SNTG1: variants seen among roughly 807,000 people sequenced by gnomAD.
SNTG1 encodes syntrophin gamma 1.
Under a neutral mutation model 74.7 loss-of-function variants are expected in SNTG1, and 39 were observed. That is an observed-to-expected ratio of 0.52 (90% CI 0.40 to 0.68). The LOEUF (loss-of-function observed/expected upper bound fraction) is 0.68, where lower values mean the gene tolerates loss of function less well. Among genes scored for constraint, SNTG1 ranks in the 30% least tolerant of loss-of-function variants. The pLI is 0.00. For synonymous variants in SNTG1, 254 were observed against 217.1 expected (o/e 1.17, Z -1.49); for missense variants, 685 against 609.5 (o/e 1.12, Z -1.30).
chr8:50,767,431 C>T (rs976676674), intron 18 of SNTG1, among the ~76,000 whole-genome samples: 4 of 151,800 alleles, frequency 2.6e-5, no homozygotes, highest in Non-Finnish European at 5.9e-5. Context: ...TGTCATAATA[C>T]AAAAAACCTT....
chr8:50,717,121 T>C (rs1002075729), intron 17 of SNTG1, among the ~76,000 whole-genome samples: 5 of 152,196 alleles, frequency 3.3e-5, no homozygotes, highest in South Asian at 2.1e-4. Flanking sequence ...AATTCAAATA[T>C]AGAAAAAACA....
rs976441231 is a variant in SNTG1 at position 50,305,267 on chromosome 8, G to A, written c.-27-88945G>A. 5.3e-5 allele frequency among the ~76,000 whole-genome samples: 8 copies of A among 151,822 alleles called. No individual in the cohort carries two copies. The South Asian group carries it at 1.0e-3, about 20-fold the overall frequency. On this transcript the variant is annotated intron_variant, in intron 2 of 18. Coordinates refer to ENST00000642720, the MANE Select transcript of SNTG1 (RefSeq NM_018967.5). ...GCATTTTCTCTTGGCATAAACTATA[G>A]CAATGAAAAAAATCTAAGGACAGTC...
intron 2 of SNTG1, among the ~76,000 whole-genome samples, chr8:50,356,984 C>A (rs1160406476): frequency 6.6e-6 from 1 of 152,222 alleles, no homozygotes; most frequent in South Asian, 2.1e-4. Context: ...TTAGGGAATG[C>A]GTAACTGGAA....
At chr8:50,211,559 T>C (rs568229490) in intron 2 of SNTG1, among the ~76,000 whole-genome samples, 13 of 152,094 alleles carry the variant, frequency 8.5e-5, no homozygotes, top group Non-Finnish European at 1.9e-4. Flanking sequence ...TTAGGATCAG[T>C]ATAAGAATTC....
At chr8:50,450,641 C>T (rs1241418059) in intron 7 of SNTG1, 42 bp downstream of exon 7, 8 of 1,613,248 alleles carry the variant, frequency 5.0e-6, no homozygotes, top group South Asian at 3.3e-5. Flanking sequence ...AACATTAACT[C>T]AATTTACAAT....
At chr8:50,648,534 T>G (rs932856624) in intron 13 of SNTG1, among the ~76,000 whole-genome samples, 3 of 152,120 alleles carry the variant, frequency 2.0e-5, no homozygotes, top group Non-Finnish European at 4.4e-5. Flanking sequence ...AAATTTCATC[T>G]TATTACAATG....
chr8:49,994,253 CTTCT>C (rs1315337877), intron 1 of SNTG1, among the ~76,000 whole-genome samples: 4 of 122,318 alleles, frequency 3.3e-5, no homozygotes, highest in East Asian at 5.3e-4. Context: ...TATTTTTATT[CTTCT>C]TTTTTTTTTT....
chr8:50,461,867 T>C (rs1388654050), intron 8 of SNTG1, among the ~76,000 whole-genome samples: 2 of 152,116 alleles, frequency 1.3e-5, no homozygotes, highest in Admixed American at 6.6e-5. Context: ...TAGAGAATGG[T>C]ACTAGAAATC....
At chr8:50,225,764 A>G (rs949757121) in intron 2 of SNTG1, among the ~76,000 whole-genome samples, 2 of 152,238 alleles carry the variant, frequency 1.3e-5, no homozygotes, top group African/African-American at 4.8e-5. Flanking sequence ...TAAGTAACAC[A>G]TTAGACACTT....
intron 1 of SNTG1, among the ~76,000 whole-genome samples, chr8:49,947,475 C>A (rs930503753): frequency 6.6e-6 from 1 of 152,100 alleles, no homozygotes; most frequent in Admixed American, 6.5e-5. Flanking sequence ...AACCAGAGGG[C>A]TTTTACCCCA....
In SNTG1 at chr8:50,213,670, T is replaced by G. The variant is rs557543602; in HGVS notation, c.-28+41035T>G. 2.0e-5 allele frequency among the ~76,000 whole-genome samples: 3 copies of G among 152,046 alleles called. No homozygotes were observed. The South Asian group carries it at 6.2e-4, about 32-fold the overall frequency. Reference sequence around the variant, plus strand: ...ATTGTGGTTTTGATTTGCATTTCTCTGATGGCCAGTGATGGTGAGCATTTT... The same window carrying G: ...ATTGTGGTTTTGATTTGCATTTCTCGGATGGCCAGTGATGGTGAGCATTTT... On this transcript the variant is annotated intron_variant, in intron 2 of 18. Coordinates refer to ENST00000642720, the MANE Select transcript of SNTG1 (RefSeq NM_018967.5).
In SNTG1 at chr8:50,577,787, C is replaced by T. The variant is rs574831764; in HGVS notation, c.811-13092C>T. On this transcript the variant is annotated intron_variant, in intron 12 of 18. Transcript: ENST00000642720. ...GCTGTTCTTTTACTTATGTTAAAAT[C>T]ATTGACAAAGTAGAAAATGAGGTTT... Among the ~76,000 whole-genome samples the T allele has an allele frequency of 1.1e-4, 17 of 152,192 alleles. No homozygotes were observed. In the South Asian group the frequency reaches 3.5e-3, roughly 32 times the overall value.
Position 49,929,822 on chromosome 8 carries a change from C to T in SNTG1, c.-103+17591C>T, listed in dbSNP as rs956332269. Among the ~76,000 whole-genome samples, 19 of 150,274 alleles carry T rather than the reference C, an allele frequency of 1.3e-4. No individual in the cohort carries two copies. In the Middle Eastern group the frequency reaches 0.01, roughly 81 times the overall value. The stretch of plus-strand genomic sequence containing the variant: ...TGCTGGTGCGCTGCACCCACTAACT[C>T]GTCATCTAGCATTAGGTATATCTCC... On this transcript the variant is annotated intron_variant, in intron 1 of 18. Transcript: ENST00000642720.
intron 2 of SNTG1, among the ~76,000 whole-genome samples, chr8:50,294,712 T>G (rs1188440531): frequency 6.6e-6 from 1 of 152,200 alleles, no homozygotes; most frequent in Non-Finnish European, 1.5e-5. Context: ...CAAAAACACT[T>G]GCATAAAAAT....
At chr8:50,575,394 CAG>C (rs2130786941) in intron 12 of SNTG1, among the ~76,000 whole-genome samples, 1 of 152,256 alleles carries the variant, frequency 6.6e-6, no homozygotes, top group Non-Finnish European at 1.5e-5. Context: ...AAGGTAATAA[CAG>C]TGTGAGAATA....
At chr8:50,511,962 T>A (rs1452940633) in intron 9 of SNTG1, among the ~76,000 whole-genome samples, 2 of 152,136 alleles carry the variant, frequency 1.3e-5, no homozygotes, top group Non-Finnish European at 2.9e-5. Flanking sequence ...GTCATTATGA[T>A]GTTAGCTGGT....
At chr8:50,084,767 C>G (rs1822723937) in intron 1 of SNTG1, among the ~76,000 whole-genome samples, 1 of 152,150 alleles carries the variant, frequency 6.6e-6, no homozygotes, top group South Asian at 2.1e-4. Context: ...AGGGCTCTGC[C>G]CACATGAATG....
At chr8:50,162,479 A>G (rs1021051944) in intron 1 of SNTG1, among the ~76,000 whole-genome samples, 5 of 150,146 alleles carry the variant, frequency 3.3e-5, no homozygotes, top group Non-Finnish European at 4.4e-5. Context: ...GGAGAACGGC[A>G]TGAACCCGGG....
rs1256806296 is a variant in SNTG1 at position 50,483,228 on chromosome 8, T to C, written c.364-19550T>C. Among the ~76,000 whole-genome samples, 3 of 152,220 alleles carry C rather than the reference T, an allele frequency of 2.0e-5. No homozygotes were observed. The East Asian group carries it at 5.8e-4, about 29-fold the overall frequency. ...CTTAGTGATTTTTATAGTTATCCTA[T>C]GTCTGACATTTTTGTGCATAGCAGA... On this transcript the variant is annotated intron_variant, in intron 8 of 18. Coordinates refer to ENST00000642720, the MANE Select transcript of SNTG1 (RefSeq NM_018967.5).
Sources: allele counts gnomAD v4.1 joint callset (sites outside exome capture counted in the v4.1 genomes callset), GRCh38; gene constraint gnomAD v4.1.1; transcripts MANE v1.5; gene names NCBI Gene and HGNC (gene_info 2026-07-23, HGNC 2026-07-21).